KIAA2012: variants seen among roughly 807,000 people sequenced by gnomAD.
KIAA2012 encodes the protein uncharacterized protein KIAA2012.
Under a neutral mutation model 150.6 loss-of-function variants are expected in KIAA2012, and 125 were observed. That is an observed-to-expected ratio of 0.83 (90% CI 0.72 to 0.96). The LOEUF is 0.96. Ranked by LOEUF, KIAA2012 falls within the 40% of genes least tolerant of loss-of-function variation. KIAA2012 has a pLI of 0.00. For synonymous variants in KIAA2012, 462 were observed against 504.7 expected (o/e 0.92, Z 1.13); for missense variants, 1,219 against 1,354.9 (o/e 0.90, Z 1.57).
At chr2:202,140,910 T>C (rs1691185070) in intron 13 of KIAA2012, among the ~76,000 whole-genome samples, 1 of 151,360 alleles carries the variant, frequency 6.6e-6, no homozygotes, top group Admixed American at 6.6e-5. Context: ...TCTGACCCTA[T>C]TAGGGGTTCA....
Position 202,105,756 on chromosome 2 carries a change from C to A in KIAA2012, c.1325-5C>A. 6.5e-7 allele frequency: 1 copy of A among 1,550,140 alleles called. No individual in the cohort carries two copies. Among genetic ancestry groups the A allele is most frequent in the South Asian group, 1.2e-5 (1 of 84,004 alleles). ...CTACAATTCAGCCTCCTCTTTGTCT[C>A]CTAGGTGCTCCACACCCTGAGTCAG... On this transcript the variant is annotated splice_region_variant and splice_polypyrimidine_tract_variant and intron_variant, in intron 8 of 23. Transcript: ENST00000498697.
At chr2:202,196,491 G>A (rs1006013487) in intron 21 of KIAA2012, among the ~76,000 whole-genome samples, 2 of 151,990 alleles carry the variant, frequency 1.3e-5, no homozygotes, top group Non-Finnish European at 1.5e-5. Context: ...CACCACGCCC[G>A]GCCAGGAAGC....
At chr2:202,102,876 A>G in intron 7 of KIAA2012, 70 bp from the exon 8 acceptor site, 3 of 1,368,338 alleles carry the variant, frequency 2.2e-6, no homozygotes, top group Non-Finnish European at 3.0e-6. Flanking sequence ...AAGAGACAGT[A>G]TCGTTTGCCC....
At chr2:202,202,384 G>A (rs1297921468) in intron 22 of KIAA2012, 45 bp from the exon 23 acceptor site, 1 of 400,574 alleles carries the variant, frequency 2.5e-6, no homozygotes, top group East Asian at 3.6e-5. Flanking sequence ...CAATTTCTAG[G>A]GTGTTTAATC....
At chr2:202,196,349 C>T (rs374122123) in intron 21 of KIAA2012, among the ~76,000 whole-genome samples, 342 of 151,894 alleles carry the variant, frequency 2.3e-3, no homozygotes, top group African/African-American at 7.8e-3. Flanking sequence ...CGCCTGCCAC[C>T]ACGCCCCGCT....
At chr2:202,095,837 A>T (rs1238976256) in intron 4 of KIAA2012, among the ~76,000 whole-genome samples, 1 of 152,102 alleles carries the variant, frequency 6.6e-6, no homozygotes, top group African/African-American at 2.4e-5. Flanking sequence ...TAATCCCAAC[A>T]CTTTGGTAGG....
chr2:202,125,929 T>C, intron 12 of KIAA2012: 3 of 338,654 alleles, frequency 8.9e-6, no homozygotes, highest in South Asian at 4.5e-5. Flanking sequence ...GTGGTGTTCC[T>C]GGCTGCTTTT....
Position 202,193,565 on chromosome 2 carries a change from T to C in KIAA2012, c.3014+62T>C, listed in dbSNP as rs1692358828. 3 of 1,513,400 alleles carry C rather than the reference T, an allele frequency of 2.0e-6. No homozygotes were observed. In the Admixed American group the frequency reaches 6.0e-5, roughly 30 times the overall value. 93.7% of individuals were successfully genotyped at this position (1,513,400 alleles called of 1,614,324 possible). A position where few individuals can be genotyped will look rare whatever the true frequency, so the allele number is the denominator to read the frequency against. ...AGGAAGCAGAAGAAAAAGACAGTGG[T>C]TGACCTCCCCTAGGGGCAATGTTTG... On this transcript the variant is annotated intron_variant, in intron 20 of 23. Coordinates refer to ENST00000498697, the MANE Select transcript of KIAA2012 (RefSeq NM_001277372.4).
Position 202,121,512 on chromosome 2 carries a change from T to A in KIAA2012, c.1763-3702T>A, listed in dbSNP as rs141583560. Among the ~76,000 whole-genome samples, 110 of 152,342 alleles carry A rather than the reference T, an allele frequency of 7.2e-4. 1 individual carries two copies. Among genetic ancestry groups the A allele is most frequent in the African/African-American group, 2.6e-3 (107 of 41,580 alleles). On this transcript the variant is annotated intron_variant, in intron 11 of 23. Transcript: ENST00000498697. ...TACAATATACTGAATACCTCCCATA[T>A]GCAAGGGACATGGAAGGATGTTAAT...
intron 4 of KIAA2012, among the ~76,000 whole-genome samples, chr2:202,095,399 T>C (rs968111007): frequency 2.0e-5 from 3 of 152,228 alleles, no homozygotes; most frequent in African/African-American, 7.2e-5. Context: ...TTATGCTCCC[T>C]GCATCTTCAG....
chr2:202,169,752 C>CA (rs1691847051), intron 15 of KIAA2012, among the ~76,000 whole-genome samples: 1 of 152,090 alleles, frequency 6.6e-6, no homozygotes, highest in Admixed American at 6.6e-5. Context: ...ATTCGTATGC[C>CA]CACTGATGTC....
At chr2:202,179,082 T>C (rs573908837) in intron 15 of KIAA2012, among the ~76,000 whole-genome samples, 245 of 152,372 alleles carry the variant, frequency 1.6e-3, no homozygotes, top group African/African-American at 5.4e-3. Context: ...AAGGCACTAA[T>C]TGAATATTAG....
rs534666069 is a variant in KIAA2012, at chr2:202,090,989, G to A, written c.529+60G>A. On this transcript the variant is annotated intron_variant, in intron 3 of 23. Coordinates refer to ENST00000498697, the MANE Select transcript of KIAA2012 (RefSeq NM_001277372.4). ...ACTGCCCCACCTCCCATTCTGGTGT[G>A]ACAGTGTGTTTTCCATCAAGACCTG... is the stretch of plus-strand genomic sequence containing the variant. The A allele has an allele frequency of 4.0e-4, 596 of 1,477,000 alleles. 9 individuals carry two copies. In the South Asian group the frequency reaches 7.0e-3, roughly 17 times the overall value. 91.5% of individuals were successfully genotyped at this position (1,477,000 alleles called of 1,614,324 possible).
chr2:202,146,937 A>G (rs1691314733), intron 13 of KIAA2012, among the ~76,000 whole-genome samples: 1 of 152,204 alleles, frequency 6.6e-6, no homozygotes, highest in Admixed American at 6.5e-5. Flanking sequence ...TGAGGATGAG[A>G]TGAAACATAT....
At chr2:202,140,047 G>A (rs555972952) in intron 13 of KIAA2012, among the ~76,000 whole-genome samples, 4 of 152,246 alleles carry the variant, frequency 2.6e-5, no homozygotes, top group East Asian at 3.9e-4. Flanking sequence ...GGCCAACATG[G>A]TGAAACCCCG....
chr2:202,074,761 C>A, intron 1 of KIAA2012, 130 bp from the exon 2 acceptor site: 2 of 932,014 alleles, frequency 2.1e-6, no homozygotes, highest in Non-Finnish European at 3.1e-6. Context: ...CAATTGTGTT[C>A]CATAACACCA....
chr2:202,154,789 C>G lies in KIAA2012; in HGVS notation c.2025C>G (p.Ile675Met). The G allele has an allele frequency of 6.5e-7, 1 of 1,547,884 alleles. No homozygotes were observed. The highest frequency in any genetic ancestry group is 8.7e-7 in the Non-Finnish European group (1 of 1,146,384). ...RKEFYTRKLH[I>M]DMTPFLKESG... ...AATTTTACACGCGCAAGCTGCACAT[C>G]GACATGACGCCGTTCCTGAAGGTGA... The change falls in exon 14 of 24, where the codon ATC (isoleucine) becomes ATG (methionine). Residue 675 changes from isoleucine to methionine, a missense_variant. Physicochemically the swap from Ile to Met is conservative, Grantham distance 10. Transcript: ENST00000498697.
intron 13 of KIAA2012, 88 bp from the exon 14 acceptor site, chr2:202,154,585 T>C: frequency 8.2e-7 from 1 of 1,218,036 alleles, no homozygotes; most frequent in Non-Finnish European, 1.1e-6. Flanking sequence ...TAAAATTGCC[T>C]TCTGTAAATA....
At chr2:202,138,281 G>A in intron 12 of KIAA2012, 151 bp from the exon 13 acceptor site, 2 of 625,224 alleles carry the variant, frequency 3.2e-6, no homozygotes, top group Non-Finnish European at 2.9e-6. Context: ...GTGTTTTTTG[G>A]TGAGTAAATT....
Sources: allele counts gnomAD v4.1 joint callset (sites outside exome capture counted in the v4.1 genomes callset), GRCh38; gene constraint gnomAD v4.1.1; transcripts MANE v1.5; gene names NCBI Gene and HGNC (gene_info 2026-07-23, HGNC 2026-07-21).